NEBL: variants seen among roughly 807,000 people sequenced by gnomAD.
The protein encoded by NEBL is nebulette.
In NEBL, 122 loss-of-function variants were observed where a neutral mutation model predicts 140.2. That is an observed-to-expected ratio of 0.87 (90% CI 0.75 to 1.01). NEBL has a LOEUF of 1.01. Ranked by LOEUF, NEBL falls within the 50% of genes least tolerant of loss-of-function variation. The pLI, the probability that NEBL is intolerant of heterozygous loss-of-function variation, is 0.00. For synonymous variants in NEBL, 436 were observed against 398.9 expected (o/e 1.09, Z -1.11); for missense variants, 1,365 against 1,231.3 (o/e 1.11, Z -1.62).
At chr10:21,017,280 T>C (rs1838592855) in intron 3 of NEBL, among the ~76,000 whole-genome samples, 1 of 152,228 alleles carries the variant, frequency 6.6e-6, no homozygotes, top group Non-Finnish European at 1.5e-5. Context: ...CTGTTGATGA[T>C]GATGATGTCT....
At chr10:20,982,878 A>G (rs1837109523) in intron 3 of NEBL, among the ~76,000 whole-genome samples, 2 of 152,214 alleles carry the variant, frequency 1.3e-5, no homozygotes, top group Admixed American at 6.5e-5. Flanking sequence ...CAAGTTTTAC[A>G]TGGGTTTGAG....
At chr10:20,818,646 T>G in intron 20 of NEBL, 1 of 279,446 alleles carries the variant, frequency 3.6e-6, no homozygotes, top group Non-Finnish European at 5.4e-6. Flanking sequence ...ACTGCATTTT[T>G]TTAAAGAGAT....
intron 9 of NEBL, among the ~76,000 whole-genome samples, chr10:20,853,709 G>C (rs1842769949): frequency 6.6e-6 from 1 of 152,304 alleles, no homozygotes; most frequent in African/African-American, 2.4e-5. Flanking sequence ...AGACAGAGTA[G>C]AATGATGGCT....
chr10:21,003,439 G>A (rs1486018235), intron 3 of NEBL, among the ~76,000 whole-genome samples: 3 of 152,154 alleles, frequency 2.0e-5, no homozygotes, highest in African/African-American at 7.2e-5. Flanking sequence ...GGTTTCCCTA[G>A]CATTTTGATT....
chr10:20,785,270 A>C lies in NEBL; in HGVS notation c.*477T>G. The C allele has an allele frequency of 5.0e-6, 1 of 200,608 alleles. No individual in the cohort carries two copies. The highest frequency in any genetic ancestry group is 9.3e-5 in the South Asian group (1 of 10,736). The allele number at this position is 200,608 out of a possible 1,614,324, so 12.4% of individuals were successfully genotyped here. On this transcript the variant is annotated 3_prime_UTR_variant, in exon 28 of 28. Coordinates refer to ENST00000377122, the MANE Select transcript of NEBL (RefSeq NM_006393.3). ...TGTCCTTCTGCCACTGTTTACACTT[A>C]TTATATTGGGCAATTTTCACTAATA...
chr10:21,177,686 C>T (rs564013456), upstream of NEBL, among the ~76,000 whole-genome samples: 4 of 152,118 alleles, frequency 2.6e-5, no homozygotes, highest in Middle Eastern at 3.4e-3. Context: ...CCCACCACCA[C>T]GCCCGGCTAA....
chr10:20,801,810 C>A (rs140935007), intron 26 of NEBL, among the ~76,000 whole-genome samples: 3 of 152,210 alleles, frequency 2.0e-5, no homozygotes, highest in African/African-American at 2.4e-5. Context: ...TCTCTTGCAA[C>A]TCTTGAATAC....
intron 2 of NEBL, among the ~76,000 whole-genome samples, chr10:21,160,067 C>G (rs1454648788): frequency 1.3e-5 from 2 of 152,182 alleles, no homozygotes; most frequent in African/African-American, 2.4e-5. Flanking sequence ...GAGAAAGAAG[C>G]CAGACTTGGG....
At chr10:20,905,823 A>G (rs888604194) in intron 4 of NEBL, among the ~76,000 whole-genome samples, 3 of 152,168 alleles carry the variant, frequency 2.0e-5, no homozygotes, top group Non-Finnish European at 4.4e-5. Flanking sequence ...AGCCTCCAGG[A>G]TGTCAGGGGA....
rs537909050 is a variant in NEBL at position 20,781,085 on chromosome 10, C to A, written c.*4662G>T. On this transcript the variant is annotated 3_prime_UTR_variant, in exon 28 of 28. Coordinates refer to ENST00000377122, the MANE Select transcript of NEBL (RefSeq NM_006393.3). Reference sequence around the variant, plus strand: ...AGTTTGCATAGGTTAGTCCTTTGGGCAGCACGATGTTGCTCTAGTCCACCA... The same window carrying A: ...AGTTTGCATAGGTTAGTCCTTTGGGAAGCACGATGTTGCTCTAGTCCACCA... The A allele has an allele frequency of 6.6e-6, 1 of 152,646 alleles. No homozygotes were observed. The highest frequency in any genetic ancestry group is 1.9e-4 in the East Asian group (1 of 5,186). 9.5% of individuals were successfully genotyped at this position (152,646 alleles called of 1,614,324 possible). A position where few individuals can be genotyped will look rare whatever the true frequency, so the allele number is the denominator to read the frequency against.
chr10:21,232,021 T>C (rs1332086127), intron 3 of NEBL, among the ~76,000 whole-genome samples: 1 of 152,126 alleles, frequency 6.6e-6, no homozygotes, highest in Non-Finnish European at 1.5e-5. Flanking sequence ...TTCATGACAA[T>C]ATGATATCAA....
intron 4 of NEBL, among the ~76,000 whole-genome samples, chr10:20,955,857 T>G (rs1451844296): frequency 2.6e-5 from 4 of 151,892 alleles, no homozygotes; most frequent in Non-Finnish European, 5.9e-5. Context: ...AAAAAAGGAT[T>G]TCATGAAAAA....
chr10:21,264,988 T>C (rs1350247607), intron 1 of NEBL, among the ~76,000 whole-genome samples: 1 of 152,062 alleles, frequency 6.6e-6, no homozygotes, highest in Admixed American at 6.6e-5. Context: ...AGTGGCACAA[T>C]CTTAGCCCGC....
chr10:20,834,251 G>A (rs1335102543), intron 14 of NEBL, among the ~76,000 whole-genome samples: 9 of 152,182 alleles, frequency 5.9e-5, no homozygotes, highest in Non-Finnish European at 8.8e-5. Flanking sequence ...GTGTACATGT[G>A]TATGTTTATC....
intron 4 of NEBL, among the ~76,000 whole-genome samples, chr10:20,933,008 A>G (rs923516134): frequency 9.2e-5 from 14 of 152,242 alleles, no homozygotes; most frequent in African/African-American, 3.4e-4. Flanking sequence ...TAAATTAGGT[A>G]CATTAGATAC....
At chr10:20,822,816 C>T (rs1454198071) in intron 19 of NEBL, among the ~76,000 whole-genome samples, 1 of 151,990 alleles carries the variant, frequency 6.6e-6, no homozygotes, top group African/African-American at 2.4e-5. Flanking sequence ...TTCAAAGGTA[C>T]AAGAACAGTT....
At chr10:21,284,939 C>T (rs1843036900) in intron 1 of NEBL, among the ~76,000 whole-genome samples, 1 of 152,084 alleles carries the variant, frequency 6.6e-6, no homozygotes, top group Non-Finnish European at 1.5e-5. Flanking sequence ...TGGTTTGTGC[C>T]TGTAATCCCA....
At chr10:20,954,859 T>C (rs1835707104) in intron 4 of NEBL, among the ~76,000 whole-genome samples, 1 of 152,126 alleles carries the variant, frequency 6.6e-6, no homozygotes, top group African/African-American at 2.4e-5. Context: ...GGGAGAGGTA[T>C]GAAGGGACTT....
chr10:20,840,963 T>G, intron 12 of NEBL, 114 bp from the exon 13 acceptor site: 2 of 704,270 alleles, frequency 2.8e-6, no homozygotes, highest in Non-Finnish European at 5.0e-6. Context: ...TAGGAAGGAA[T>G]GAATCACACA....
Sources: allele counts gnomAD v4.1 joint callset (sites outside exome capture counted in the v4.1 genomes callset), GRCh38; gene constraint gnomAD v4.1.1; transcripts MANE v1.5; gene names NCBI Gene and HGNC (gene_info 2026-07-23, HGNC 2026-07-21).